Variants in FERMT2 observed in about 807,000 individuals in gnomAD.
FERMT2 encodes FERM domain containing kindlin 2.
FERMT2 carries 15 observed loss-of-function variants against 82.7 expected under a neutral mutation model. That is an observed-to-expected ratio of 0.18 (90% CI 0.12 to 0.28). The LOEUF is 0.28. Among genes scored for constraint, FERMT2 ranks in the 10% least tolerant of loss-of-function variants. The pLI is 1.00. For missense variants in FERMT2, 645 were observed against 809.4 expected (o/e 0.80, Z 2.46); for synonymous variants, 274 against 271.5 (o/e 1.01, Z -0.09).
At position 52,877,574 on chromosome 14, in the gene FERMT2, CTTTTTTTTTTTTT is replaced by C. The variant is rs34676786; in HGVS notation, c.963+995_963+1007del. ...CTAAGGTGAAAATTAGCTGTTCTTG[CTTTTTTTTTTTTT>C]TTTTTTTTTTTGCTAACCTCACTCC... On this transcript the variant is annotated intron_variant, in intron 7 of 14. Coordinates refer to ENST00000341590, the MANE Select transcript of FERMT2 (RefSeq NM_006832.3). 2.9e-3 allele frequency among the ~76,000 whole-genome samples: 193 copies of C among 67,068 alleles called. 1 individual carries two copies. Among genetic ancestry groups the C allele is most frequent in the Admixed American group, 4.6e-3 (17 of 3,732 alleles). The allele number at this position is 67,068 out of a possible 152,430, so 44.0% of individuals were successfully genotyped here. A position where few individuals can be genotyped will look rare whatever the true frequency, so the allele number is the denominator to read the frequency against.
At chr14:52,898,895 G>A (rs1261390850) in intron 3 of FERMT2, among the ~76,000 whole-genome samples, 1 of 152,146 alleles carries the variant, frequency 6.6e-6, no homozygotes, top group Non-Finnish European at 1.5e-5. Context: ...CTATTTAGTG[G>A]GAGACAGTAA....
intron 3 of FERMT2, among the ~76,000 whole-genome samples, chr14:52,895,805 A>G (rs545760831): frequency 1.3e-5 from 2 of 152,206 alleles, no homozygotes; most frequent in East Asian, 3.8e-4. Context: ...AAAGTTAATT[A>G]AAAAACTGTG....
intron 2 of FERMT2, among the ~76,000 whole-genome samples, chr14:52,923,344 AGAC>A (rs1462874073): frequency 6.6e-6 from 1 of 152,144 alleles, no homozygotes; most frequent in African/African-American, 2.4e-5. Flanking sequence ...CCACAACATT[AGAC>A]ACAGACTGCA....
chr14:52,937,556 A>T (rs1889900297), intron 2 of FERMT2, among the ~76,000 whole-genome samples: 1 of 152,140 alleles, frequency 6.6e-6, no homozygotes, highest in Non-Finnish European at 1.5e-5. Context: ...GGCACTTCTC[A>T]ATCAGATCAT....
intron 2 of FERMT2, among the ~76,000 whole-genome samples, chr14:52,930,330 G>T (rs944342361): frequency 6.6e-6 from 1 of 152,168 alleles, no homozygotes; most frequent in African/African-American, 2.4e-5. Context: ...TGAGAATTCA[G>T]ATTCATCACA....
rs1382529450 is a variant in FERMT2 at position 52,950,454 on chromosome 14, C to T, written c.115G>A (p.Val39Met). 2 of 1,613,946 alleles carry T rather than the reference C, an allele frequency of 1.2e-6. No individual in the cohort carries two copies. Among genetic ancestry groups the T allele is most frequent in the Non-Finnish European group, 1.7e-6 (2 of 1,180,000 alleles). ...RDVTLRVTGE[V>M]HIGGVMLKLV... ...TTAAGCATCACGCCTCCAATGTGCA[C>T]CTCGCCGGTCACTCTCAGGGTGACA... Residue 39 changes from valine (V) to methionine (M), a missense_variant, in exon 2 of 15, where the codon GTG becomes ATG. Transcript: ENST00000341590.
At chr14:52,929,866 ACTGT>A in intron 2 of FERMT2, among the ~76,000 whole-genome samples, 1 of 152,210 alleles carries the variant, frequency 6.6e-6, no homozygotes, top group East Asian at 1.9e-4. Flanking sequence ...TAGATTATAA[ACTGT>A]CTAAGAAGAC....
intron 3 of FERMT2, among the ~76,000 whole-genome samples, chr14:52,897,043 CA>C (rs1887318580): frequency 2.4e-5 from 3 of 122,904 alleles, no homozygotes; most frequent in Non-Finnish European, 5.4e-5. Flanking sequence ...CACACACACA[CA>C]CACACCATGG....
chr14:52,906,281 G>A (rs889083419), intron 3 of FERMT2, among the ~76,000 whole-genome samples: 2 of 152,148 alleles, frequency 1.3e-5, no homozygotes, highest in Non-Finnish European at 2.9e-5. Context: ...GGAAAGAACC[G>A]ACGGCTAAAA....
At chr14:52,942,286 G>A (rs1013910281) in intron 2 of FERMT2, among the ~76,000 whole-genome samples, 17 of 149,066 alleles carry the variant, frequency 1.1e-4, no homozygotes, top group Admixed American at 1.0e-3. Context: ...CAAAACCTGT[G>A]AGAAAATGTT....
At chr14:52,904,931 G>T (rs1887909780) in intron 3 of FERMT2, among the ~76,000 whole-genome samples, 1 of 152,008 alleles carries the variant, frequency 6.6e-6, no homozygotes, top group Admixed American at 6.6e-5. Context: ...GCTCATGCCT[G>T]CAATTCCCAG....
intron 3 of FERMT2, 110 bp downstream of exon 3, chr14:52,919,013 T>TAC: frequency 1.4e-6 from 1 of 690,808 alleles, no homozygotes. Context: ...CACATACATA[T>TAC]ATACAGATAG....
chr14:52,914,757 TA>T (rs35767302), intron 3 of FERMT2, among the ~76,000 whole-genome samples: 3,468 of 151,834 alleles, frequency 0.023, 135 homozygotes, highest in African/African-American at 0.08. Flanking sequence ...CCGTCTCTAC[TA>T]AAAATACAAA....
chr14:52,948,669 C>G (rs1205862479), intron 2 of FERMT2: 3 of 435,428 alleles, frequency 6.9e-6, no homozygotes, highest in Non-Finnish European at 1.4e-5. Context: ...AGTTTATTCT[C>G]TATATTTCTA....
In FERMT2 at chr14:52,930,125, T is replaced by C. The variant is rs374506969; in HGVS notation, c.158-10769A>G. On this transcript the variant is annotated intron_variant, in intron 2 of 14. Coordinates refer to ENST00000341590, the MANE Select transcript of FERMT2 (RefSeq NM_006832.3). ...ACAAGTTGTATGTCTGAAGAATCCA[T>C]TTTATCTTCAACTTCAGAATTAAAA... 1.4e-4 allele frequency among the ~76,000 whole-genome samples: 21 copies of C among 152,288 alleles called. No homozygotes were observed. In the South Asian group the frequency reaches 4.4e-3, roughly 32 times the overall value.
intron 2 of FERMT2, among the ~76,000 whole-genome samples, chr14:52,919,670 G>A (rs1490469882): frequency 6.6e-6 from 1 of 152,194 alleles, no homozygotes; most frequent in African/African-American, 2.4e-5. Flanking sequence ...GGCTAGAATA[G>A]GAAGGATTAA....
chr14:52,927,699 G>A (rs1290843872), intron 2 of FERMT2, among the ~76,000 whole-genome samples: 1 of 151,076 alleles, frequency 6.6e-6, no homozygotes, highest in Non-Finnish European at 1.5e-5. Context: ...ACTCTGGGTG[G>A]TCAAGGTTGC....
chr14:52,936,118 G>A (rs1381793556), intron 2 of FERMT2, among the ~76,000 whole-genome samples: 1 of 152,188 alleles, frequency 6.6e-6, no homozygotes, highest in Non-Finnish European at 1.5e-5. Flanking sequence ...TTCTAAGAGA[G>A]TAACATCAGG....
chr14:52,860,798 A>C, intron 12 of FERMT2: 2 of 591,018 alleles, frequency 3.4e-6, no homozygotes, highest in Non-Finnish European at 5.9e-6. Context: ...CACGAGTTTT[A>C]ATTAAATTTA....
Sources: allele counts gnomAD v4.1 joint callset (sites outside exome capture counted in the v4.1 genomes callset), GRCh38; gene constraint gnomAD v4.1.1; transcripts MANE v1.5; gene names NCBI Gene and HGNC (gene_info 2026-07-23, HGNC 2026-07-21).